The following MTFR1 variants were observed in gnomAD, a reference collection of about 807,000 sequenced individuals.
MTFR1 encodes the protein mitochondrial fission regulator 1.
A neutral mutation model predicts 38.8 loss-of-function variants in MTFR1; 28 were observed. The observed-to-expected ratio is 0.72, with a 90% confidence interval of 0.53 to 0.99. The LOEUF (loss-of-function observed/expected upper bound fraction) is 0.99. MTFR1 is among the 50% of genes least tolerant of loss of function. The pLI, the probability that MTFR1 is intolerant of heterozygous loss-of-function variation, is 0.00. For synonymous variants in MTFR1, 145 were observed against 137.0 expected, an observed-to-expected ratio of 1.06 and a Z score of -0.41; for missense variants, 358 against 395.5, an observed-to-expected ratio of 0.91 and a Z score of 0.81.
chr8:65,767,275 C>T (rs954398789), intron 3 of MTFR1, among the ~76,000 whole-genome samples: 13 of 152,056 alleles, frequency 8.5e-5, no homozygotes, highest in Non-Finnish European at 1.2e-4. Context: ...ATAGTATGAA[C>T]GTTTATGGAT....
intron 1 of MTFR1, among the ~76,000 whole-genome samples, chr8:65,658,622 A>T (rs562699767): frequency 6.6e-6 from 1 of 152,332 alleles, no homozygotes; most frequent in South Asian, 2.1e-4. Flanking sequence ...GCATGCACAT[A>T]TACACACACA....
chr8:65,724,734 A>G (rs1806538146), intron 3 of MTFR1: 7 of 1,518,500 alleles, frequency 4.6e-6, no homozygotes, highest in Non-Finnish European at 6.3e-6. Flanking sequence ...TGACAGTCAC[A>G]TAATTTATCC....
chr8:65,737,719 A>G (rs372465462), intron 3 of MTFR1, among the ~76,000 whole-genome samples: 1 of 152,056 alleles, frequency 6.6e-6, no homozygotes, highest in African/African-American at 2.4e-5. Flanking sequence ...GGGTTTCACC[A>G]TGTTGGCCAG....
intron 3 of MTFR1, among the ~76,000 whole-genome samples, chr8:65,741,158 T>C (rs1360555589): frequency 6.6e-6 from 1 of 152,238 alleles, no homozygotes; most frequent in Non-Finnish European, 1.5e-5. Context: ...ACATATACTA[T>C]ATTATTTTAA....
At position 65,710,114 on chromosome 8, in the gene MTFR1, TTTTCTA is replaced by T. The variant is rs1237097047; in HGVS notation, c.*1076_*1081del. The T allele has an allele frequency of 2.0e-5, 3 of 152,200 alleles. No individual in the cohort carries two copies. The highest frequency in any genetic ancestry group is 7.2e-5 in the African/African-American group (3 of 41,452). 9.4% of individuals were successfully genotyped at this position (152,200 alleles called of 1,614,324 possible). ...TAAATGCTTTATAAATCTTCATGGT[TTTTCTA>T]TTTCTGATACACTCAGCTATAGTTA... On this transcript the variant is annotated 3_prime_UTR_variant, in exon 8 of 8. Transcript: ENST00000262146.
chr8:65,766,085 A>T (rs997349561), intron 3 of MTFR1, among the ~76,000 whole-genome samples: 1 of 152,148 alleles, frequency 6.6e-6, no homozygotes, highest in African/African-American at 2.4e-5. Context: ...AGCTGGGATT[A>T]CAGGCGCCCG....
intron 2 of MTFR1, among the ~76,000 whole-genome samples, chr8:65,676,080 A>G (rs906684612): frequency 6.6e-6 from 1 of 152,206 alleles, no homozygotes; most frequent in Non-Finnish European, 1.5e-5. Context: ...AACTGAGGGA[A>G]GTGTTAATCT....
chr8:65,675,105 A>G (rs1804674612), intron 2 of MTFR1, among the ~76,000 whole-genome samples: 1 of 152,188 alleles, frequency 6.6e-6, no homozygotes, highest in South Asian at 2.1e-4. Context: ...AGCCTGACCA[A>G]CATAGTGAAA....
chr8:65,690,873 A>G (rs913951508), intron 3 of MTFR1, among the ~76,000 whole-genome samples: 2 of 152,202 alleles, frequency 1.3e-5, no homozygotes, highest in African/African-American at 4.8e-5. Flanking sequence ...GGAGCCTCAC[A>G]GGGCTTGGGG....
intron 1 of MTFR1, among the ~76,000 whole-genome samples, chr8:65,666,705 G>A (rs1804391270): frequency 6.6e-6 from 1 of 152,078 alleles, no homozygotes; most frequent in Non-Finnish European, 1.5e-5. Flanking sequence ...ATAATCCCGG[G>A]TACATAACAA....
At chr8:65,731,118 G>A (rs150395570) in intron 3 of MTFR1, among the ~76,000 whole-genome samples, 42 of 152,296 alleles carry the variant, frequency 2.8e-4, no homozygotes, top group African/African-American at 9.6e-4. Flanking sequence ...CTGGAGGCCT[G>A]ACATTCCTGT....
intron 1 of MTFR1, among the ~76,000 whole-genome samples, chr8:65,667,052 C>T (rs1010834965): frequency 9.2e-5 from 14 of 152,098 alleles, no homozygotes; most frequent in East Asian, 1.9e-4. Context: ...GGTGGTGGAT[C>T]GCCTGAGGTG....
At chr8:65,760,909 C>A (rs1480401271) in intron 3 of MTFR1, among the ~76,000 whole-genome samples, 1 of 143,168 alleles carries the variant, frequency 7.0e-6, no homozygotes, top group Admixed American at 6.9e-5. Flanking sequence ...GAATAATTAA[C>A]ATCATTTAGG....
intron 2 of MTFR1, 88 bp from the exon 3 acceptor site, chr8:65,682,265 G>T: frequency 1.9e-6 from 1 of 529,704 alleles, no homozygotes. Flanking sequence ...TAATGTGTTA[G>T]TATGTCATAC....
chr8:65,649,045 CA>C (rs1456221735), intron 1 of MTFR1, among the ~76,000 whole-genome samples: 1 of 148,190 alleles, frequency 6.7e-6, no homozygotes, highest in Non-Finnish European at 1.5e-5. Context: ...AACAATATGA[CA>C]ATAAGAAACA....
chr8:65,726,781 C>A, intron 3 of MTFR1: 2 of 678,990 alleles, frequency 2.9e-6, no homozygotes, highest in South Asian at 2.0e-5. Context: ...TGTGGAACAC[C>A]TGAACATAAC....
At chr8:65,656,111 G>A (rs1260170326) in intron 1 of MTFR1, among the ~76,000 whole-genome samples, 5 of 143,818 alleles carry the variant, frequency 3.5e-5, no homozygotes, top group African/African-American at 1.1e-4. Context: ...CAGGAGAATC[G>A]CTTGAACCCA....
downstream of MTFR1, among the ~76,000 whole-genome samples, chr8:65,771,601 C>T (rs56139500): frequency 0.42 from 63,212 of 151,934 alleles, 16,756 homozygotes; most frequent in African/African-American, 0.76. Flanking sequence ...CAGTGGCTCA[C>T]GCGGTGGCTC....
At chr8:65,708,504 C>T (rs919836889) in intron 7 of MTFR1, among the ~76,000 whole-genome samples, 2 of 152,132 alleles carry the variant, frequency 1.3e-5, no homozygotes, top group Admixed American at 6.5e-5. Flanking sequence ...AGGATGTGTA[C>T]CATGTCAAAG....
Sources: allele counts gnomAD v4.1 joint callset (sites outside exome capture counted in the v4.1 genomes callset), GRCh38; gene constraint gnomAD v4.1.1; transcripts MANE v1.5; gene names NCBI Gene and HGNC (gene_info 2026-07-23, HGNC 2026-07-21).